The following SUCLG2 variants were observed in gnomAD, a reference collection of about 807,000 sequenced individuals.
The protein encoded by SUCLG2 is succinate-CoA ligase GDP-forming subunit beta.
SUCLG2 carries 42 observed loss-of-function variants against 47.9 expected under a neutral mutation model. The ratio of observed to expected loss-of-function variants is 0.88; its 90% CI spans 0.69 to 1.14. The LOEUF is 1.14. Ranked by LOEUF, SUCLG2 falls within the 50% of genes most tolerant of loss-of-function variation. The pLI is 0.00. For missense variants in SUCLG2, 571 were observed against 525.9 expected (o/e 1.09, Z -0.84); for synonymous variants, 195 against 197.3 (o/e 0.99, Z 0.10).
intron 4 of SUCLG2, among the ~76,000 whole-genome samples, chr3:67,525,820 T>G (rs1706241225): frequency 6.6e-6 from 1 of 152,190 alleles, no homozygotes; most frequent in Non-Finnish European, 1.5e-5. Context: ...GCCCTGCAAA[T>G]GACCCTGTTG....
At chr3:67,403,251 A>C (rs981938907) in intron 9 of SUCLG2, among the ~76,000 whole-genome samples, 2 of 152,182 alleles carry the variant, frequency 1.3e-5, no homozygotes, top group African/African-American at 4.8e-5. Context: ...GTTGTTCTCC[A>C]ATGTACTTTA....
intron 10 of SUCLG2, among the ~76,000 whole-genome samples, chr3:67,392,330 G>A (rs1702407173): frequency 1.3e-5 from 2 of 152,124 alleles, no homozygotes; most frequent in African/African-American, 4.8e-5. Context: ...CTTAAACCCA[G>A]TAAGACATTG....
chr3:67,478,286 G>A (rs1704820103), intron 9 of SUCLG2, among the ~76,000 whole-genome samples: 1 of 152,302 alleles, frequency 6.6e-6, no homozygotes, highest in African/African-American at 2.4e-5. Flanking sequence ...AGCACTTCAC[G>A]TGTTATTTCC....
At chr3:67,458,970 T>C (rs1490338792) in intron 9 of SUCLG2, among the ~76,000 whole-genome samples, 1 of 152,210 alleles carries the variant, frequency 6.6e-6, no homozygotes, top group Non-Finnish European at 1.5e-5. Flanking sequence ...TATAACAAAG[T>C]AGCCTGGAAA....
intron 9 of SUCLG2, among the ~76,000 whole-genome samples, chr3:67,475,111 C>T (rs1704714876): frequency 6.6e-6 from 1 of 152,076 alleles, no homozygotes; most frequent in African/African-American, 2.4e-5. Flanking sequence ...AAGTGAATGG[C>T]ATAAGTGATC....
chr3:67,386,878 A>C (rs191441825), intron 10 of SUCLG2, among the ~76,000 whole-genome samples: 6 of 152,186 alleles, frequency 3.9e-5, no homozygotes, highest in African/African-American at 1.2e-4. Flanking sequence ...TTCTCAAGAA[A>C]AAGTCCAAGG....
At chr3:67,563,933 C>A (rs1318008548) in intron 2 of SUCLG2, among the ~76,000 whole-genome samples, 1 of 140,030 alleles carries the variant, frequency 7.1e-6, no homozygotes, top group Non-Finnish European at 1.5e-5. Context: ...GCACTCCAGC[C>A]TGGACAACAG....
At chr3:67,621,759 C>G (rs1472665750) in intron 1 of SUCLG2, among the ~76,000 whole-genome samples, 2 of 152,140 alleles carry the variant, frequency 1.3e-5, no homozygotes, top group African/African-American at 4.8e-5. Context: ...AGCAAGAAGG[C>G]CCTCACCAGA....
intron 2 of SUCLG2, among the ~76,000 whole-genome samples, chr3:67,569,975 T>C (rs1425321193): frequency 3.3e-5 from 5 of 152,162 alleles, no homozygotes; most frequent in Admixed American, 2.0e-4. Flanking sequence ...AGTGTAACCA[T>C]ATTTAGAGAC....
chr3:67,647,619 C>G (rs375063326), intron 1 of SUCLG2, among the ~76,000 whole-genome samples: 1 of 152,222 alleles, frequency 6.6e-6, no homozygotes. Flanking sequence ...CTTTGATGCA[C>G]GAGGTCCAGC....
chr3:67,381,253 G>T, intron 10 of SUCLG2, among the ~76,000 whole-genome samples: 1 of 151,864 alleles, frequency 6.6e-6, no homozygotes, highest in Non-Finnish European at 1.5e-5. Context: ...GTGGAAACAG[G>T]TTATTGAAAA....
chr3:67,632,453 G>C (rs771200917), intron 1 of SUCLG2, among the ~76,000 whole-genome samples: 4 of 152,128 alleles, frequency 2.6e-5, no homozygotes, highest in South Asian at 4.1e-4. Context: ...AAAGTACTGA[G>C]ATTAAAGATG....
intron 10 of SUCLG2, among the ~76,000 whole-genome samples, chr3:67,363,716 G>GA (rs529065021): frequency 9.9e-4 from 150 of 152,064 alleles, no homozygotes; most frequent in African/African-American, 3.6e-3. Flanking sequence ...TGTGGTTTTT[G>GA]AAAAAATATG....
intron 1 of SUCLG2, among the ~76,000 whole-genome samples, chr3:67,633,799 T>C (rs1180113679): frequency 6.6e-6 from 1 of 152,190 alleles, no homozygotes; most frequent in East Asian, 1.9e-4. Context: ...TCGCTCAGTG[T>C]GGTTCCTTTC....
chr3:67,549,817 T>C (rs1411067289), intron 2 of SUCLG2, among the ~76,000 whole-genome samples: 1 of 152,190 alleles, frequency 6.6e-6, no homozygotes, highest in Non-Finnish European at 1.5e-5. Flanking sequence ...TTAACTCTGA[T>C]TACTGGTAGA....
In SUCLG2 at chr3:67,528,167, T is replaced by G; in HGVS notation, c.382A>C (p.Lys128Gln). The change falls in exon 4 of 11, where the codon AAA becomes CAA. Residue 128 changes from lysine (K) to glutamine (Q), a missense_variant. Transcript: ENST00000307227. ...TTCACACCTTCTTTTGGAGTTTGTT[T>G]TGTCGCTAGATTGTACCCAATCATC... ...KQMIGYNLAT[K>Q]QTPKEGVKVN... The G allele has an allele frequency of 2.5e-6, 4 of 1,613,958 alleles. No homozygotes were observed. The highest frequency in any genetic ancestry group is 3.4e-6 in the Non-Finnish European group (4 of 1,179,890).
chr3:67,448,477 CG>C (rs1374356769), intron 9 of SUCLG2, among the ~76,000 whole-genome samples: 1 of 152,092 alleles, frequency 6.6e-6, no homozygotes, highest in Non-Finnish European at 1.5e-5. Context: ...CCTCTGCTCC[CG>C]GGTTCAAGTG....
intron 9 of SUCLG2, among the ~76,000 whole-genome samples, chr3:67,477,552 G>T (rs1704796511): frequency 6.6e-6 from 1 of 152,166 alleles, no homozygotes; most frequent in Non-Finnish European, 1.5e-5. Flanking sequence ...AAAATTAGCT[G>T]GCCATGGTGG....
intron 6 of SUCLG2, chr3:67,514,270 G>C (rs961107130): frequency 9.4e-6 from 4 of 426,106 alleles, no homozygotes; most frequent in African/African-American, 8.3e-5. Context: ...GAATAGGAAA[G>C]AAAAACTTAT....
Sources: gnomAD v4.1 joint callset for allele counts (sites outside exome capture counted in the v4.1 genomes callset) on GRCh38, gnomAD v4.1.1 for gene constraint, MANE v1.5 for transcripts, NCBI Gene and HGNC (gene_info 2026-07-23, HGNC 2026-07-21) for gene names.